Variants in LAMA2 observed in about 807,000 individuals in gnomAD.
LAMA2 encodes laminin subunit alpha 2, also known as laminin subunit alpha-2.
Under a neutral mutation model 364.8 loss-of-function variants are expected in LAMA2, and 269 were observed. The ratio of observed to expected loss-of-function variants is 0.74; its 90% CI spans 0.67 to 0.82. The LOEUF (loss-of-function observed/expected upper bound fraction) is 0.82, where lower values mean the gene tolerates loss of function less well. LAMA2 is among the 40% of genes least tolerant of loss of function. LAMA2 has a pLI of 0.00. For missense variants in LAMA2, 3,807 were observed against 3,873.2 expected, an observed-to-expected ratio of 0.98 and a Z score of 0.45; for synonymous variants, 1,379 against 1,370.6, an observed-to-expected ratio of 1.01 and a Z score of -0.14.
chr6:129,057,331 G>A (rs1028900985), intron 2 of LAMA2, among the ~76,000 whole-genome samples: 1 of 151,978 alleles, frequency 6.6e-6, no homozygotes, highest in Non-Finnish European at 1.5e-5. Flanking sequence ...AAGAAAATGA[G>A]AACAACTTTC....
At chr6:129,471,220 A>C (rs970894041) in intron 51 of LAMA2, among the ~76,000 whole-genome samples, 2 of 151,930 alleles carry the variant, frequency 1.3e-5, no homozygotes, top group Non-Finnish European at 2.9e-5. Context: ...TAGGGTAAGA[A>C]ATAAAAGCAA....
chr6:129,254,822 C>T (rs1333144659), intron 14 of LAMA2, among the ~76,000 whole-genome samples: 1 of 152,092 alleles, frequency 6.6e-6, no homozygotes, highest in Non-Finnish European at 1.5e-5. Flanking sequence ...TAGTAACATC[C>T]TTGGTCTTTA....
At chr6:129,231,551 A>G (rs1001495348) in intron 12 of LAMA2, among the ~76,000 whole-genome samples, 6 of 152,150 alleles carry the variant, frequency 3.9e-5, no homozygotes, top group African/African-American at 1.4e-4. Context: ...TTACAATATT[A>G]CATTCTGGTT....
At chr6:129,331,980 T>C (rs1775683882) in intron 29 of LAMA2, among the ~76,000 whole-genome samples, 1 of 152,206 alleles carries the variant, frequency 6.6e-6, no homozygotes, top group South Asian at 2.1e-4. Flanking sequence ...AATTCCATAG[T>C]GGCTCCTTCT....
At chr6:129,442,766 T>A (rs1782182558) in intron 43 of LAMA2, 2 of 430,530 alleles carry the variant, frequency 4.6e-6, no homozygotes, top group African/African-American at 4.1e-5. Context: ...GTTTTAATCC[T>A]ATCCTCTATT....
intron 41 of LAMA2, among the ~76,000 whole-genome samples, chr6:129,435,492 C>G (rs1456522393): frequency 1.3e-5 from 2 of 151,994 alleles, no homozygotes; most frequent in African/African-American, 4.8e-5. Context: ...AGGAGAAAAT[C>G]CAATTACTTG....
At position 129,070,174 on chromosome 6, in the gene LAMA2, A is replaced by C. The variant is rs566032740; in HGVS notation, c.396+10278A>C. Among the ~76,000 whole-genome samples, 4 of 152,224 alleles carry C rather than the reference A, an allele frequency of 2.6e-5. No individual in the cohort carries two copies. The East Asian group carries it at 7.7e-4, about 29-fold the overall frequency. On this transcript the variant is annotated intron_variant, in intron 3 of 64. Transcript: ENST00000421865. ...ATTTGGTCTAGTGTAAAATGGAGCAAATAGGCCCACTTCCTTATTACGAGG... is the reference window on the plus strand; with the variant it reads ...ATTTGGTCTAGTGTAAAATGGAGCACATAGGCCCACTTCCTTATTACGAGG...
chr6:129,362,458 G>C (rs1434970112), intron 32 of LAMA2, among the ~76,000 whole-genome samples: 1 of 151,798 alleles, frequency 6.6e-6, no homozygotes, highest in East Asian at 1.9e-4. Flanking sequence ...CTACCTCCCT[G>C]ATCTTCTCAC....
chr6:129,291,060 T>C (rs1032324), intron 19 of LAMA2, among the ~76,000 whole-genome samples: 40,745 of 152,030 alleles, frequency 0.27, 5,735 homozygotes, highest in East Asian at 0.46. Flanking sequence ...ACTAACTAAA[T>C]TTTTCTAGAT....
chr6:129,391,309 C>T (rs1779305265), intron 35 of LAMA2, among the ~76,000 whole-genome samples, 182 bp from the exon 36 acceptor site: 2 of 152,080 alleles, frequency 1.3e-5, no homozygotes, highest in South Asian at 4.1e-4. Context: ...TATTGAGAAA[C>T]ATATTACATT....
At chr6:129,061,431 A>G (rs1788906362) in intron 3 of LAMA2, among the ~76,000 whole-genome samples, 1 of 152,224 alleles carries the variant, frequency 6.6e-6, no homozygotes, top group South Asian at 2.1e-4. Context: ...AATATTATTT[A>G]CCTGTTATCA....
intron 1 of LAMA2, among the ~76,000 whole-genome samples, chr6:128,983,466 C>T (rs1783022630): frequency 6.6e-6 from 1 of 152,160 alleles, no homozygotes; most frequent in Admixed American, 6.5e-5. Flanking sequence ...ATGTTCCCAA[C>T]TCTGAATTTC....
chr6:129,332,511 A>T (rs755413856), intron 29 of LAMA2, among the ~76,000 whole-genome samples: 7 of 152,114 alleles, frequency 4.6e-5, no homozygotes, highest in Non-Finnish European at 8.8e-5. Context: ...AATCTCTTCC[A>T]CAAATTTTAA....
chr6:129,313,175 G>T, intron 23 of LAMA2, 78 bp downstream of exon 23: 1 of 860,970 alleles, frequency 1.2e-6, no homozygotes, highest in Non-Finnish European at 1.9e-6. Context: ...TTCATTCAGT[G>T]TTTGTTATAC....
At chr6:129,405,743 T>C (rs1176621010) in intron 40 of LAMA2, among the ~76,000 whole-genome samples, 2 of 152,152 alleles carry the variant, frequency 1.3e-5, no homozygotes. Context: ...TCTACTTTGC[T>C]GGAAAAGAAA....
At chr6:129,189,279 G>C (rs1282925190) in intron 10 of LAMA2, among the ~76,000 whole-genome samples, 1 of 152,014 alleles carries the variant, frequency 6.6e-6, no homozygotes, top group Non-Finnish European at 1.5e-5. Context: ...GGAATTCAAG[G>C]AAGAGGGGAA....
Position 129,060,243 on chromosome 6 carries a change from T to G in LAMA2, c.396+347T>G, listed in dbSNP as rs1322847117. On this transcript the variant is annotated intron_variant, in intron 3 of 64. Coordinates refer to ENST00000421865, the MANE Select transcript of LAMA2 (RefSeq NM_000426.4). The stretch of plus-strand genomic sequence containing the variant: ...ATTTTTAACTTTTAAAATAATACAT[T>G]GCTCCCACTGTGCTGATGGTGTGTG... Among the ~76,000 whole-genome samples the G allele has an allele frequency of 3.9e-5, 6 of 152,330 alleles. No individual in the cohort carries two copies. In the East Asian group the frequency reaches 1.2e-3, roughly 29 times the overall value.
At chr6:129,230,391 A>G (rs1344101258) in intron 12 of LAMA2, among the ~76,000 whole-genome samples, 1 of 152,110 alleles carries the variant, frequency 6.6e-6, no homozygotes, top group East Asian at 1.9e-4. Context: ...GATTTAAGAG[A>G]GAATAAGAAG....
intron 49 of LAMA2, among the ~76,000 whole-genome samples, chr6:129,463,658 G>A (rs928998282): frequency 6.6e-6 from 1 of 151,974 alleles, no homozygotes; most frequent in Non-Finnish European, 1.5e-5. Context: ...TATTCTCTGT[G>A]AGGCAATTTG....
Sources: allele counts gnomAD v4.1 joint callset (sites outside exome capture counted in the v4.1 genomes callset), GRCh38; gene constraint gnomAD v4.1.1; transcripts MANE v1.5; gene names NCBI Gene and HGNC (gene_info 2026-07-23, HGNC 2026-07-21).